PBX3: variants seen among roughly 807,000 people sequenced by gnomAD.
PBX3 encodes the protein pre-B-cell leukemia transcription factor 3.
In PBX3, 14 loss-of-function variants were observed where a neutral mutation model predicts 48.5. That is an observed-to-expected ratio of 0.29 (90% confidence interval 0.19 to 0.45). The LOEUF is 0.45. Among genes scored for constraint, PBX3 ranks in the 20% least tolerant of loss-of-function variants. PBX3 has a pLI of 1.00. For synonymous variants in PBX3, 210 were observed against 200.3 expected (o/e 1.05, Z -0.41); for missense variants, 386 against 546.7 (o/e 0.71, Z 2.93).
intron 2 of PBX3, among the ~76,000 whole-genome samples, chr9:125,791,797 G>T (rs1234430459): frequency 6.6e-6 from 1 of 151,978 alleles, no homozygotes; most frequent in East Asian, 1.9e-4. Flanking sequence ...TTAGCCGGGC[G>T]TGGTGGCAGG....
chr9:125,834,020 A>G (rs984224487), intron 2 of PBX3, among the ~76,000 whole-genome samples: 2 of 152,172 alleles, frequency 1.3e-5, no homozygotes, highest in East Asian at 3.9e-4. Flanking sequence ...TTGGATAAAC[A>G]CTGCTTGCTT....
intron 2 of PBX3, among the ~76,000 whole-genome samples, chr9:125,871,845 T>C (rs1468878460): frequency 6.6e-6 from 1 of 152,148 alleles, no homozygotes; most frequent in East Asian, 1.9e-4. Flanking sequence ...GAGGCAAAAA[T>C]AGAATTGATA....
At chr9:125,747,893 C>A (rs980440145) in intron 1 of PBX3, among the ~76,000 whole-genome samples, 1 of 151,780 alleles carries the variant, frequency 6.6e-6, no homozygotes, top group Non-Finnish European at 1.5e-5. Context: ...GATTCCGTGG[C>A]GTCCTTTCCC....
At chr9:125,809,382 G>A (rs1035556376) in intron 2 of PBX3, among the ~76,000 whole-genome samples, 1 of 150,290 alleles carries the variant, frequency 6.7e-6, no homozygotes, top group Non-Finnish European at 1.5e-5. Flanking sequence ...GTGATAAGAT[G>A]AACATTTGAT....
chr9:125,800,951 C>T (rs556606676), intron 2 of PBX3, among the ~76,000 whole-genome samples: 7 of 151,970 alleles, frequency 4.6e-5, no homozygotes, highest in Non-Finnish European at 7.4e-5. Flanking sequence ...CGGGATTTCA[C>T]CATGTTGGCC....
rs925891364 is a variant in PBX3, at chr9:125,836,790, A to G, written c.275-78896A>G. Among the ~76,000 whole-genome samples the G allele has an allele frequency of 2.2e-4, 34 of 152,218 alleles. 1 individual carries two copies. Among genetic ancestry groups the G allele is most frequent in the Non-Finnish European group, 1.5e-5 (1 of 68,024 alleles). On this transcript the variant is annotated intron_variant, in intron 2 of 8. Coordinates refer to ENST00000373489, the MANE Select transcript of PBX3 (RefSeq NM_006195.6). Reference sequence around the variant, plus strand: ...CCATAAATATGTAAAACTACTATGTATCCATAACATTTTTTTAAGAGTCAA... The same window carrying G: ...CCATAAATATGTAAAACTACTATGTGTCCATAACATTTTTTTAAGAGTCAA...
intron 2 of PBX3, among the ~76,000 whole-genome samples, chr9:125,814,217 T>G (rs1012887360): frequency 9.7e-6 from 1 of 103,452 alleles, no homozygotes; most frequent in Non-Finnish European, 2.0e-5. Flanking sequence ...GCATGTTCCC[T>G]TCAAAGATGG....
At chr9:125,765,651 C>T (rs1836784126) in intron 2 of PBX3, among the ~76,000 whole-genome samples, 1 of 152,122 alleles carries the variant, frequency 6.6e-6, no homozygotes, top group African/African-American at 2.4e-5. Context: ...CTTTTACAGA[C>T]ACATTCTTAG....
intron 2 of PBX3, among the ~76,000 whole-genome samples, chr9:125,751,795 C>T (rs375181072): frequency 6.6e-6 from 1 of 152,116 alleles, no homozygotes; most frequent in East Asian, 1.9e-4. Context: ...TTAAATATCC[C>T]TGATGCCACA....
intron 2 of PBX3, among the ~76,000 whole-genome samples, chr9:125,802,172 G>T (rs1476232293): frequency 6.6e-6 from 1 of 151,898 alleles, no homozygotes; most frequent in East Asian, 1.9e-4. Context: ...TGTGACACAG[G>T]TATATTGCGT....
chr9:125,966,402 A>G lies in PBX3; in HGVS notation c.*479A>G, dbSNP rs949490569. ...AGTTGGAATAAAGAGCTGTTTGCCT[A>G]TCCCTGTTAATGATGGTTGTGTTTA... is the stretch of plus-strand genomic sequence containing the variant. On this transcript the variant is annotated 3_prime_UTR_variant, in exon 9 of 9. Transcript: ENST00000373489. The G allele has an allele frequency of 6.5e-6, 1 of 153,158 alleles. No individual in the cohort carries two copies. Among genetic ancestry groups the G allele is most frequent in the African/African-American group, 2.4e-5 (1 of 41,446 alleles). The allele number at this position is 153,158 out of a possible 1,614,324, so 9.5% of individuals were successfully genotyped here.
At chr9:125,751,030 A>G (rs1836360768) in intron 2 of PBX3, among the ~76,000 whole-genome samples, 1 of 152,214 alleles carries the variant, frequency 6.6e-6, no homozygotes, top group Admixed American at 6.5e-5. Context: ...TCCTGCTTCC[A>G]TAGTCGGTCA....
At chr9:125,823,721 AGAAG>A (rs1164096536) in intron 2 of PBX3, among the ~76,000 whole-genome samples, 1 of 152,190 alleles carries the variant, frequency 6.6e-6, no homozygotes, top group African/African-American at 2.4e-5. Context: ...AATGGTTAAG[AGAAG>A]GAAGTACAGA....
intron 2 of PBX3, among the ~76,000 whole-genome samples, chr9:125,792,808 C>T (rs2132069028): frequency 6.6e-6 from 1 of 151,140 alleles, no homozygotes; most frequent in East Asian, 2.0e-4. Context: ...AAGCAATTCT[C>T]CTGCCTCAGC....
intron 2 of PBX3, among the ~76,000 whole-genome samples, chr9:125,903,789 C>T (rs957024706): frequency 3.3e-5 from 5 of 151,836 alleles, no homozygotes; most frequent in Non-Finnish European, 7.4e-5. Context: ...GGCATTTACT[C>T]TGTCTTTTAG....
At chr9:125,957,330 G>A (rs761693539) in intron 5 of PBX3, among the ~76,000 whole-genome samples, 20 of 152,146 alleles carry the variant, frequency 1.3e-4, no homozygotes, top group Non-Finnish European at 1.5e-4. Context: ...CAGTAGCTTC[G>A]GATGAGTGGC....
intron 2 of PBX3, among the ~76,000 whole-genome samples, chr9:125,873,503 T>C (rs1311943067): frequency 1.3e-5 from 2 of 152,182 alleles, no homozygotes; most frequent in East Asian, 1.9e-4. Flanking sequence ...TATTCTCTTA[T>C]GACAAAACAA....
chr9:125,792,701 A>AT (rs11410616), intron 2 of PBX3, among the ~76,000 whole-genome samples: 70,519 of 142,198 alleles, frequency 0.5, 18,931 homozygotes, highest in South Asian at 0.62. Context: ...GGTATACTTA[A>AT]TTTTTTTTTT....
chr9:125,800,089 T>G (rs533812728), intron 2 of PBX3, among the ~76,000 whole-genome samples: 1 of 152,308 alleles, frequency 6.6e-6, no homozygotes, highest in Non-Finnish European at 1.5e-5. Flanking sequence ...GCAGTTATAA[T>G]AAATAGACCA....
Sources: allele counts gnomAD v4.1 joint callset (sites outside exome capture counted in the v4.1 genomes callset), GRCh38; gene constraint gnomAD v4.1.1; transcripts MANE v1.5; gene names NCBI Gene and HGNC (gene_info 2026-07-23, HGNC 2026-07-21).